CFAP69: variants seen among roughly 807,000 people sequenced by gnomAD.
CFAP69 encodes the protein cilia- and flagella-associated protein 69.
CFAP69 carries 92 observed loss-of-function variants against 123.0 expected under a neutral mutation model. The ratio of observed to expected loss-of-function variants is 0.75; its 90% CI spans 0.63 to 0.89. The LOEUF (loss-of-function observed/expected upper bound fraction) is 0.89, where lower values mean the gene tolerates loss of function less well. Among genes scored for constraint, CFAP69 ranks in the 40% least tolerant of loss-of-function variants. The pLI is 0.00. For synonymous variants in CFAP69, 380 were observed against 364.3 expected (o/e 1.04, Z -0.49); for missense variants, 1,067 against 1,096.9 (o/e 0.97, Z 0.39).
At chr7:90,274,163 G>A (rs1385024130) in intron 9 of CFAP69, 53 bp downstream of exon 9, 1 of 1,569,150 alleles carries the variant, frequency 6.4e-7, no homozygotes, top group Non-Finnish European at 8.6e-7. Context: ...GTGGGCTTGG[G>A]TGAAAGAAGT....
intron 15 of CFAP69, among the ~76,000 whole-genome samples, chr7:90,290,234 G>A (rs1004973311): frequency 6.6e-5 from 10 of 152,164 alleles, no homozygotes; most frequent in African/African-American, 1.9e-4. Context: ...AAGAACTACC[G>A]TCAGCAAGTG....
chr7:90,295,661 C>T (rs10247574), intron 15 of CFAP69, among the ~76,000 whole-genome samples: 6 of 152,128 alleles, frequency 3.9e-5, no homozygotes, highest in Admixed American at 1.3e-4. Flanking sequence ...TTGGATCAGG[C>T]GCAGAAAATA....
downstream of CFAP69, among the ~76,000 whole-genome samples, chr7:90,315,717 A>G (rs1365301521): frequency 6.6e-6 from 1 of 152,258 alleles, no homozygotes; most frequent in African/African-American, 2.4e-5. Context: ...GAGTTTACCT[A>G]TAGAACAAAC....
intron 4 of CFAP69, among the ~76,000 whole-genome samples, chr7:90,264,154 T>A (rs1798803239): frequency 2.2e-5 from 3 of 135,402 alleles, no homozygotes; most frequent in Non-Finnish European, 3.1e-5. Context: ...TATATATGAA[T>A]TAAAAGTCCT....
intron 19 of CFAP69, among the ~76,000 whole-genome samples, chr7:90,306,131 G>A: frequency 6.8e-6 from 1 of 147,756 alleles, no homozygotes; most frequent in Non-Finnish European, 1.5e-5. Flanking sequence ...GGGCGGGGCG[G>A]GGTAGAGACA....
At chr7:90,306,697 T>C (rs530355607) in intron 19 of CFAP69, among the ~76,000 whole-genome samples, 3 of 152,254 alleles carry the variant, frequency 2.0e-5, no homozygotes, top group East Asian at 1.9e-4. Flanking sequence ...TAACATACCA[T>C]TGAAAAACAT....
At chr7:90,252,309 T>G (rs1418885923) in intron 1 of CFAP69, among the ~76,000 whole-genome samples, 1 of 152,212 alleles carries the variant, frequency 6.6e-6, no homozygotes, top group African/African-American at 2.4e-5. Context: ...ATTTAACAAT[T>G]TTTAATGGTA....
chr7:90,265,999 A>G (rs527990922), intron 5 of CFAP69: 1 of 152,186 alleles, frequency 6.6e-6, no homozygotes, highest in East Asian at 1.9e-4. Flanking sequence ...ACATGATGGC[A>G]TGTTCCCAAA....
chr7:90,283,570 C>T (rs1386705825), intron 13 of CFAP69, among the ~76,000 whole-genome samples: 3 of 152,122 alleles, frequency 2.0e-5, no homozygotes, highest in African/African-American at 4.8e-5. Flanking sequence ...AGAAATACTG[C>T]ATGTGTTACC....
At position 90,279,000 on chromosome 7, in the gene CFAP69, A is replaced by G. The variant is rs543707556; in HGVS notation, c.1156-677A>G. On this transcript the variant is annotated intron_variant, in intron 11 of 22. Transcript: ENST00000389297. The stretch of plus-strand genomic sequence containing the variant: ...GGTGTTTTATTCTCTTGTGAATCAT[A>G]AATATGTATCCATCAGAATCAGCTG... Among the ~76,000 whole-genome samples, 4 of 152,300 alleles carry G rather than the reference A, an allele frequency of 2.6e-5. No individual in the cohort carries two copies. The South Asian group carries it at 8.3e-4, about 32-fold the overall frequency.
intron 6 of CFAP69, among the ~76,000 whole-genome samples, chr7:90,270,759 AGTAAAT>A (rs1311452100): frequency 6.6e-6 from 1 of 152,180 alleles, no homozygotes; most frequent in Non-Finnish European, 1.5e-5. Flanking sequence ...GCCTCATCTC[AGTAAAT>A]GAGGACCCTT....
intron 11 of CFAP69, among the ~76,000 whole-genome samples, chr7:90,278,809 A>G (rs1788998986): frequency 6.6e-6 from 1 of 152,134 alleles, no homozygotes. Context: ...AACATTATAT[A>G]CTTAATTCTA....
Position 90,310,313 on chromosome 7 carries a change from G to A in CFAP69, c.*75G>A, listed in dbSNP as rs1794199420. The A allele has an allele frequency of 1.2e-6, 1 of 868,246 alleles. No individual in the cohort carries two copies. The highest frequency in any genetic ancestry group is 1.7e-5 in the African/African-American group (1 of 57,196). The allele number at this position is 868,246 out of a possible 1,614,324, so 53.8% of individuals were successfully genotyped here. A position where few individuals can be genotyped will look rare whatever the true frequency, so the allele number is the denominator to read the frequency against. ...GAATATATCTTTATACATATGTAAA[G>A]CCAATATTTTAGAATAAGTATTTTA... is the stretch of plus-strand genomic sequence containing the variant. On this transcript the variant is annotated 3_prime_UTR_variant, in exon 23 of 23. Coordinates refer to ENST00000389297, the MANE Select transcript of CFAP69 (RefSeq NM_001039706.3).
At chr7:90,285,796 C>A (rs1037697841) in intron 13 of CFAP69, among the ~76,000 whole-genome samples, 1 of 152,148 alleles carries the variant, frequency 6.6e-6, no homozygotes, top group Admixed American at 6.5e-5. Flanking sequence ...ACCCAGTTTG[C>A]TGAGCAAAGT....
intron 1 of CFAP69, among the ~76,000 whole-genome samples, chr7:90,252,509 A>G (rs984004445): frequency 6.6e-6 from 1 of 152,068 alleles, no homozygotes; most frequent in Non-Finnish European, 1.5e-5. Flanking sequence ...CTCTACAAAA[A>G]CTACAAAAAT....
intron 12 of CFAP69, among the ~76,000 whole-genome samples, chr7:90,281,434 A>T (rs1359773824): frequency 6.6e-6 from 1 of 152,146 alleles, no homozygotes; most frequent in Non-Finnish European, 1.5e-5. Context: ...AATTAAAATT[A>T]TGTGGTACTG....
chr7:90,252,110 C>CTGTGTGTGTGTGTGTGTGTG, intron 1 of CFAP69: 1 of 146,678 alleles, frequency 6.8e-6, no homozygotes, highest in East Asian at 2.1e-4. Context: ...GAAAAACCCA[C>CTGTGTGTGTGTGTGTGTGTG]TGTGTGTGTG....
intron 12 of CFAP69, among the ~76,000 whole-genome samples, chr7:90,282,210 A>G (rs1326594758): frequency 6.6e-6 from 1 of 150,698 alleles, no homozygotes; most frequent in Admixed American, 6.6e-5. Context: ...GCAGCTGGTC[A>G]TAGTGGCACA....
chr7:90,320,010 G>C, the CFAP69 span, among the ~76,000 whole-genome samples: 27 of 152,092 alleles, frequency 1.8e-4, no homozygotes, highest in Non-Finnish European at 2.6e-4. Flanking sequence ...TTTCATCACA[G>C]ACCTTTAAAA....
Sources: gnomAD v4.1 joint callset for allele counts (sites outside exome capture counted in the v4.1 genomes callset) on GRCh38, gnomAD v4.1.1 for gene constraint, MANE v1.5 for transcripts, NCBI Gene and HGNC (gene_info 2026-07-23, HGNC 2026-07-21) for gene names.